The following AVL9 variants were observed in gnomAD, a reference collection of about 807,000 sequenced individuals.
AVL9 encodes late secretory pathway protein AVL9 homolog.
AVL9 carries 49 observed loss-of-function variants against 79.2 expected under a neutral mutation model. The ratio of observed to expected loss-of-function variants is 0.62; its 90% CI spans 0.49 to 0.79. The LOEUF (loss-of-function observed/expected upper bound fraction) is 0.79, where lower values mean the gene tolerates loss of function less well. Ranked by LOEUF, AVL9 falls within the 30% of genes least tolerant of loss-of-function variation. AVL9 has a pLI of 0.00. For synonymous variants in AVL9, 299 were observed against 280.6 expected, an observed-to-expected ratio of 1.07 and a Z score of -0.65; for missense variants, 682 against 776.8, an observed-to-expected ratio of 0.88 and a Z score of 1.45.
chr7:32,518,489 A>G (rs1788004364), intron 1 of AVL9, among the ~76,000 whole-genome samples: 1 of 151,982 alleles, frequency 6.6e-6, no homozygotes, highest in Admixed American at 6.5e-5. Flanking sequence ...TTCAAAAAAA[A>G]AAGTATGCTC....
intron 1 of AVL9, among the ~76,000 whole-genome samples, chr7:32,514,547 C>T (rs1049294480): frequency 2.0e-5 from 3 of 152,164 alleles, no homozygotes; most frequent in Admixed American, 6.5e-5. Flanking sequence ...TGCCCTGCCC[C>T]GCCTTAACTG....
intron 1 of AVL9, among the ~76,000 whole-genome samples, chr7:32,496,462 C>A (rs1786817887): frequency 1.3e-5 from 2 of 152,280 alleles, no homozygotes; most frequent in Admixed American, 1.3e-4. Context: ...AAGTGTATTA[C>A]CAAACCGTTC....
intron 1 of AVL9, chr7:32,535,764 T>A (rs1445296626): frequency 6.6e-6 from 1 of 152,196 alleles, no homozygotes; most frequent in Non-Finnish European, 1.5e-5. Context: ...TTTGGCTGTG[T>A]CCCCACCCAG....
Position 32,579,587 on chromosome 7 carries a change from AT to A in AVL9, c.1689-630del, listed in dbSNP as rs369248826. Among the ~76,000 whole-genome samples the A allele has an allele frequency of 8.6e-3, 68 of 7,868 alleles. 20 individuals carry two copies. The highest frequency in any genetic ancestry group is 0.036 in the Admixed American group (10 of 274). 5.2% of individuals were successfully genotyped at this position (7,868 alleles called of 152,430 possible). On this transcript the variant is annotated intron_variant, in intron 13 of 15. Transcript: ENST00000318709. ...TTATATATTATATTATATATTATAT[AT>A]TATATATTATATATTATATTATATA...
chr7:32,503,352 A>G, intron 1 of AVL9, among the ~76,000 whole-genome samples: 1 of 43,286 alleles, frequency 2.3e-5, no homozygotes, highest in African/African-American at 6.7e-5. Context: ...ATAGATATAG[A>G]TATAGAGAGA....
intron 1 of AVL9, chr7:32,538,316 GTCTTA>G (rs1487788256): frequency 1.3e-5 from 2 of 152,236 alleles, no homozygotes; most frequent in East Asian, 3.9e-4. Context: ...GCTTGTGATT[GTCTTA>G]TTTATTTATT....
intron 1 of AVL9, chr7:32,535,647 C>G (rs73301503): frequency 8.2e-4 from 125 of 152,284 alleles, no homozygotes; most frequent in African/African-American, 2.9e-3. Flanking sequence ...TTGGCAGACT[C>G]TATTTTGATC....
intron 1 of AVL9, among the ~76,000 whole-genome samples, chr7:32,505,532 A>AG (rs1246462514): frequency 6.6e-6 from 1 of 152,062 alleles, no homozygotes; most frequent in Non-Finnish European, 1.5e-5. Flanking sequence ...TCAAAAAAAA[A>AG]AAAGAAAGAA....
intron 1 of AVL9, chr7:32,539,174 C>A (rs1451873847): frequency 6.6e-6 from 1 of 152,188 alleles, no homozygotes; most frequent in Non-Finnish European, 1.5e-5. Context: ...ACGCTTGAAC[C>A]CGAGAGGCAG....
intron 1 of AVL9, chr7:32,535,782 T>C (rs558858928): frequency 7.2e-5 from 11 of 152,290 alleles, no homozygotes; most frequent in African/African-American, 2.6e-4. Context: ...CAGAATCTCA[T>C]CTTGAATTAT....
At chr7:32,522,682 G>C (rs1018213675) in intron 1 of AVL9, among the ~76,000 whole-genome samples, 1 of 152,124 alleles carries the variant, frequency 6.6e-6, no homozygotes, top group Non-Finnish European at 1.5e-5. Flanking sequence ...GGGAAGGCAC[G>C]ATTGGTTTTG....
intron 12 of AVL9, 49 bp downstream of exon 12, chr7:32,573,467 C>T (rs1790951533): frequency 6.7e-7 from 1 of 1,492,330 alleles, no homozygotes; most frequent in African/African-American, 1.4e-5. Context: ...TATAATTTTT[C>T]ATTTTGTAAC....
rs1791657728 is a variant in AVL9 at position 32,584,192 on chromosome 7, G to A, written c.*285G>A. 1 of 395,864 alleles carries A rather than the reference G, an allele frequency of 2.5e-6. No individual in the cohort carries two copies. Among genetic ancestry groups the A allele is most frequent in the East Asian group, 4.9e-5 (1 of 20,458 alleles). The allele number at this position is 395,864 out of a possible 1,614,324, so 24.5% of individuals were successfully genotyped here. On this transcript the variant is annotated 3_prime_UTR_variant, in exon 16 of 16. Coordinates refer to ENST00000318709, the MANE Select transcript of AVL9 (RefSeq NM_015060.3). ...CTAATGAATTTTGAGTTCTGATATT[G>A]TACATTGGTTTACTTTAGAAGAGTT...
intron 10 of AVL9, among the ~76,000 whole-genome samples, chr7:32,564,014 C>A (rs192353501): frequency 6.6e-6 from 1 of 152,272 alleles, no homozygotes; most frequent in African/African-American, 2.4e-5. Context: ...ACTTCCTATA[C>A]CTTTCGGAGC....
At chr7:32,498,855 T>C (rs1481161009) in intron 1 of AVL9, among the ~76,000 whole-genome samples, 1 of 151,620 alleles carries the variant, frequency 6.6e-6, no homozygotes, top group African/African-American at 2.4e-5. Context: ...AGGGATAATT[T>C]AACATTTAAC....
chr7:32,505,978 G>A (rs12670233), intron 1 of AVL9, among the ~76,000 whole-genome samples: 29,037 of 152,016 alleles, frequency 0.19, 3,069 homozygotes, highest in South Asian at 0.31. Flanking sequence ...CGTAAAGTGT[G>A]CCCTAAACAT....
rs961280262 is a variant in AVL9 at position 32,588,627 on chromosome 7, C to T, written c.*4720C>T. ...TTTAAATTGTTAAAATTATAAATCA[C>T]GTCTAATCATACTGAATTGTAAAAC... On this transcript the variant is annotated 3_prime_UTR_variant, in exon 16 of 16. Transcript: ENST00000318709. 2.6e-5 allele frequency: 4 copies of T among 152,016 alleles called. No homozygotes were observed. The highest frequency in any genetic ancestry group is 2.1e-4 in the South Asian group (1 of 4,826). 9.4% of individuals were successfully genotyped at this position (152,016 alleles called of 1,614,324 possible).
At chr7:32,512,176 T>C (rs1033801400) in intron 1 of AVL9, among the ~76,000 whole-genome samples, 10 of 152,324 alleles carry the variant, frequency 6.6e-5, no homozygotes, top group African/African-American at 2.4e-4. Context: ...TCTGTAATTA[T>C]TGGTCCTTGT....
chr7:32,521,282 G>C (rs1788140408), intron 1 of AVL9, among the ~76,000 whole-genome samples: 1 of 152,146 alleles, frequency 6.6e-6, no homozygotes, highest in Non-Finnish European at 1.5e-5. Flanking sequence ...GAAGAAGACA[G>C]GAAAATGTGG....
Sources: allele counts gnomAD v4.1 joint callset (sites outside exome capture counted in the v4.1 genomes callset), GRCh38; gene constraint gnomAD v4.1.1; transcripts MANE v1.5; gene names NCBI Gene and HGNC (gene_info 2026-07-23, HGNC 2026-07-21).